Variants in GPT2 observed in about 807,000 individuals in gnomAD.
The protein encoded by GPT2 is alanine aminotransferase 2.
A neutral mutation model predicts 56.9 loss-of-function variants in GPT2; 30 were observed. That is an observed-to-expected ratio of 0.53 (90% CI 0.39 to 0.72). The LOEUF (loss-of-function observed/expected upper bound fraction) is 0.72, where lower values mean the gene tolerates loss of function less well. Ranked by LOEUF, GPT2 falls within the 30% of genes least tolerant of loss-of-function variation. The pLI is 0.00. For missense variants in GPT2, 542 were observed against 703.4 expected, an observed-to-expected ratio of 0.77 and a Z score of 2.60; for synonymous variants, 271 against 283.1, an observed-to-expected ratio of 0.96 and a Z score of 0.43.
chr16:46,889,759 A>G (rs1011081267), intron 2 of GPT2, among the ~76,000 whole-genome samples: 2 of 152,212 alleles, frequency 1.3e-5, no homozygotes, highest in Non-Finnish European at 2.9e-5. Context: ...GATGTTAATG[A>G]TAATGCTTTG....
intron 5 of GPT2, 114 bp downstream of exon 5, chr16:46,907,089 C>G (rs915688754): frequency 1.4e-6 from 2 of 1,419,278 alleles, no homozygotes; most frequent in African/African-American, 2.8e-5. Context: ...GCACGGGTGG[C>G]CACCCTCTGG....
At chr16:46,897,841 G>A in intron 3 of GPT2, 104 bp downstream of exon 3, 3 of 916,354 alleles carry the variant, frequency 3.3e-6, no homozygotes, top group African/African-American at 1.7e-5. Flanking sequence ...GGCCCTCCCA[G>A]CCTGATACCC....
intron 4 of GPT2, among the ~76,000 whole-genome samples, chr16:46,901,884 C>G (rs1362596303): frequency 6.6e-6 from 1 of 152,236 alleles, no homozygotes; most frequent in African/African-American, 2.4e-5. Flanking sequence ...CCTTGTGTGC[C>G]AAGACCTAAA....
rs1246308907 is a variant in GPT2, at chr16:46,916,675, T to C, written c.868T>C (p.Trp290Arg). The C allele has an allele frequency of 1.2e-6, 2 of 1,613,892 alleles. No individual in the cohort carries two copies. The highest frequency in any genetic ancestry group is 1.1e-5 in the South Asian group (1 of 91,070). ...CATAGAAGATGTGATCCACTTTGCC[T>C]GGGAAGAGAAGCTCTTTCTCCTGGC... ...KCIEDVIHFA[W>R]EEKLFLLADE... Residue 290 changes from tryptophan (W) to arginine (R), a missense_variant, in exon 7 of 12, where the codon TGG becomes CGG. Transcript: ENST00000340124.
At chr16:46,919,951 G>A (rs1436245458) in intron 8 of GPT2, among the ~76,000 whole-genome samples, 1 of 152,188 alleles carries the variant, frequency 6.6e-6, no homozygotes, top group African/African-American at 2.4e-5. Flanking sequence ...TCACGCCTGT[G>A]ATCCAAGAAC....
intron 5 of GPT2, among the ~76,000 whole-genome samples, chr16:46,907,842 C>G (rs1472292692): frequency 6.6e-6 from 1 of 150,814 alleles, no homozygotes; most frequent in Admixed American, 6.6e-5. Context: ...GGAGGTATCT[C>G]GGGCTGGGGT....
At chr16:46,910,561 G>C (rs933529913) in intron 6 of GPT2, among the ~76,000 whole-genome samples, 2 of 151,906 alleles carry the variant, frequency 1.3e-5, no homozygotes, top group African/African-American at 4.8e-5. Context: ...TCTAAAAAGT[G>C]AGTAAATGCA....
At chr16:46,884,673 C>T (rs1567330800) in intron 1 of GPT2, 21 bp from the exon 2 acceptor site, 3 of 1,364,974 alleles carry the variant, frequency 2.2e-6, no homozygotes, top group Non-Finnish European at 2.8e-6. Flanking sequence ...CGTGTTTGTT[C>T]TTTTTCTCTT....
chr16:46,903,334 G>T (rs1960857574), intron 4 of GPT2, among the ~76,000 whole-genome samples: 1 of 151,656 alleles, frequency 6.6e-6, no homozygotes, highest in African/African-American at 2.4e-5. Flanking sequence ...TAAGAGATAG[G>T]GTCTTTCCCC....
rs1042980421 is a variant in GPT2 at position 46,898,619 on chromosome 16, G to A, written c.333+882G>A. 5.9e-5 allele frequency among the ~76,000 whole-genome samples: 9 copies of A among 151,900 alleles called. No homozygotes were observed. In the East Asian group the frequency reaches 9.7e-4, roughly 16 times the overall value. ...GGTTGCAGTACAGTGGTATGCTCTC[G>A]GCTCACAGCAACCTCCACCTCCTGG... On this transcript the variant is annotated intron_variant, in intron 3 of 11. Coordinates refer to ENST00000340124, the MANE Select transcript of GPT2 (RefSeq NM_133443.4).
chr16:46,900,821 G>T (rs776643513), intron 4 of GPT2, 31 bp downstream of exon 4: 1 of 1,582,912 alleles, frequency 6.3e-7, no homozygotes, highest in Non-Finnish European at 8.7e-7. Flanking sequence ...GCCCCTAGGC[G>T]TGAAATGAAT....
At chr16:46,910,400 A>AC (rs1961025172) in intron 6 of GPT2, among the ~76,000 whole-genome samples, 2 of 149,798 alleles carry the variant, frequency 1.3e-5, no homozygotes, top group East Asian at 1.9e-4. Context: ...AAAAAAAAAA[A>AC]AAAAAAAACT....
At chr16:46,924,670 C>T (rs1047571235) in intron 10 of GPT2, 126 bp downstream of exon 10, 9 of 946,340 alleles carry the variant, frequency 9.5e-6, no homozygotes, top group African/African-American at 4.9e-5. Flanking sequence ...ATGCACCTCT[C>T]GGCCAGAGGG....
At chr16:46,917,446 G>A (rs1223159673) in intron 7 of GPT2, among the ~76,000 whole-genome samples, 3 of 152,076 alleles carry the variant, frequency 2.0e-5, no homozygotes, top group African/African-American at 4.8e-5. Flanking sequence ...CATTTAATTC[G>A]CTTACATCTC....
chr16:46,925,985 G>C (rs749022488), intron 10 of GPT2, among the ~76,000 whole-genome samples: 2 of 151,650 alleles, frequency 1.3e-5, no homozygotes, highest in Non-Finnish European at 2.9e-5. Flanking sequence ...AAAAAAATTA[G>C]CTGGACATGG....
At chr16:46,904,360 A>G (rs1960879305) in intron 4 of GPT2, among the ~76,000 whole-genome samples, 1 of 152,230 alleles carries the variant, frequency 6.6e-6, no homozygotes, top group East Asian at 1.9e-4. Flanking sequence ...GCAGTGAGCT[A>G]TGATCGTGCC....
At chr16:46,909,595 C>G (rs1301569043) in intron 5 of GPT2, 89 bp from the exon 6 acceptor site, 2 of 1,460,084 alleles carry the variant, frequency 1.4e-6, no homozygotes, top group African/African-American at 1.4e-5. Context: ...CAGAGTTGGA[C>G]TGGAGGCATG....
intron 6 of GPT2, among the ~76,000 whole-genome samples, chr16:46,911,853 A>G (rs1030096678): frequency 5.3e-5 from 8 of 152,204 alleles, no homozygotes; most frequent in Admixed American, 2.6e-4. Context: ...GAGTCAACAC[A>G]TTCTTGGCCA....
intron 2 of GPT2, 145 bp from the exon 3 acceptor site, chr16:46,897,503 T>C (rs1960704830): frequency 1.5e-6 from 1 of 658,404 alleles, no homozygotes. Context: ...AGACCAGGCA[T>C]GTCAAAGGCC....
Sources: allele counts gnomAD v4.1 joint callset (sites outside exome capture counted in the v4.1 genomes callset), GRCh38; gene constraint gnomAD v4.1.1; transcripts MANE v1.5; gene names NCBI Gene and HGNC (gene_info 2026-07-23, HGNC 2026-07-21).